The following KIAA2012 variants were observed in gnomAD, a reference collection of about 807,000 sequenced individuals.
The protein encoded by KIAA2012 is uncharacterized protein KIAA2012.
KIAA2012 carries 125 observed loss-of-function variants against 150.6 expected under a neutral mutation model. The observed-to-expected ratio is 0.83, with a 90% CI of 0.72 to 0.96. The LOEUF (loss-of-function observed/expected upper bound fraction) is 0.96, where lower values mean the gene tolerates loss of function less well. KIAA2012 is among the 40% of genes least tolerant of loss of function. KIAA2012 has a pLI of 0.00. For synonymous variants in KIAA2012, 462 were observed against 504.7 expected, an observed-to-expected ratio of 0.92 and a Z score of 1.13; for missense variants, 1,219 against 1,354.9, an observed-to-expected ratio of 0.90 and a Z score of 1.57.
intron 15 of KIAA2012, among the ~76,000 whole-genome samples, chr2:202,182,108 CTTT>C (rs754494077): frequency 1.9e-5 from 2 of 104,098 alleles, no homozygotes; most frequent in African/African-American, 3.7e-5. Flanking sequence ...TTTCTTTATT[CTTT>C]TTTTTTTTTT....
At chr2:202,077,644 G>A (rs1689355881) in intron 2 of KIAA2012, among the ~76,000 whole-genome samples, 1 of 152,074 alleles carries the variant, frequency 6.6e-6, no homozygotes, top group Non-Finnish European at 1.5e-5. Flanking sequence ...ATTAAAAGAG[G>A]AGGAGAAGCA....
intron 16 of KIAA2012, among the ~76,000 whole-genome samples, chr2:202,186,012 A>G (rs1692220696): frequency 6.6e-6 from 1 of 152,156 alleles, no homozygotes; most frequent in Non-Finnish European, 1.5e-5. Context: ...AATAAAATAA[A>G]ATGCCCAGAA....
rs1220484543 is a variant in KIAA2012, at chr2:202,105,889, A to T, written c.1453A>T (p.Arg485Trp). ...AGTGCATCTCCCAGTGGACGCGAGCAGGGACACACTCTCACCTCAAGGTAG... is the reference window on the plus strand; with the variant it reads ...AGTGCATCTCCCAGTGGACGCGAGCTGGGACACACTCTCACCTCAAGGTAG... ...LTVHLPVDAS[R>W]DTLSPQDDDA... Residue 485 changes from arginine to tryptophan, a missense_variant, in exon 9 of 24, where the codon AGG becomes TGG. Coordinates refer to ENST00000498697, the MANE Select transcript of KIAA2012 (RefSeq NM_001277372.4). The T allele has an allele frequency of 1.9e-6, 3 of 1,550,970 alleles. No homozygotes were observed. Among genetic ancestry groups the T allele is most frequent in the Admixed American group, 3.9e-5 (2 of 51,002 alleles).
At chr2:202,098,822 ACGCG>A (rs147687356) in intron 5 of KIAA2012, among the ~76,000 whole-genome samples, 21 of 110,736 alleles carry the variant, frequency 1.9e-4, no homozygotes, top group South Asian at 1.2e-3. Flanking sequence ...GTGTGTGTGC[ACGCG>A]CGCGCGCGCG....
At position 202,140,013 on chromosome 2, in the gene KIAA2012, A is replaced by C. The variant is rs1691165650; in HGVS notation, c.1908+1505A>C. ...GGGAGGCCAAGGTGGGCGGATCACG[A>C]GGTCAGGAGTTCAAGACCAGCCTGG... On this transcript the variant is annotated intron_variant, in intron 13 of 23. Coordinates refer to ENST00000498697, the MANE Select transcript of KIAA2012 (RefSeq NM_001277372.4). Among the ~76,000 whole-genome samples the C allele has an allele frequency of 2.0e-5, 3 of 152,136 alleles. No individual in the cohort carries two copies. In the South Asian group the frequency reaches 6.2e-4, roughly 32 times the overall value.
intron 12 of KIAA2012, chr2:202,137,221 G>A (rs1181360259): frequency 6.6e-6 from 1 of 151,976 alleles, no homozygotes; most frequent in Non-Finnish European, 1.5e-5. Flanking sequence ...TTGGACATTC[G>A]TCCCACAGAA....
At chr2:202,131,136 G>GTTTT (rs1272835282) in intron 12 of KIAA2012, among the ~76,000 whole-genome samples, 2 of 151,952 alleles carry the variant, frequency 1.3e-5, no homozygotes, top group Non-Finnish European at 2.9e-5. Context: ...CTGTGAGTAT[G>GTTTT]TTTTTTTGTT....
chr2:202,088,829 T>A (rs1689646917), intron 2 of KIAA2012, among the ~76,000 whole-genome samples: 2 of 152,162 alleles, frequency 1.3e-5, no homozygotes, highest in South Asian at 4.2e-4. Context: ...GAAACCTGAC[T>A]CTCGGGTTGA....
At chr2:202,122,011 T>G (rs911857508) in intron 11 of KIAA2012, among the ~76,000 whole-genome samples, 3 of 151,180 alleles carry the variant, frequency 2.0e-5, no homozygotes, top group Admixed American at 6.6e-5. Context: ...GACACCAGAA[T>G]GAACAAAAAG....
chr2:202,093,527 G>A (rs71425918), intron 4 of KIAA2012, among the ~76,000 whole-genome samples: 3,293 of 152,294 alleles, frequency 0.022, 57 homozygotes, highest in Admixed American at 0.037. Flanking sequence ...GTTTGGCAGT[G>A]TAGGTCTAGA....
rs1692426336 is a variant in KIAA2012, at chr2:202,196,934, G to A, written c.3322G>A (p.Glu1108Lys). 4 of 1,550,554 alleles carry A rather than the reference G, an allele frequency of 2.6e-6. No individual in the cohort carries two copies. The highest frequency in any genetic ancestry group is 3.5e-6 in the Non-Finnish European group (4 of 1,147,020). The change falls in exon 22 of 24, where the codon GAG becomes AAG. Residue 1108 changes from glutamate (E) to lysine (K), a missense_variant. Glu to Lys is a moderately conservative substitution (Grantham distance 56). Transcript: ENST00000498697. ...GGAAGCAGAAGAGAAGGCTCGGCTG[G>A]AGGCAGAGGAGAGGAGGCAAAAAGA... ...KQEAEEKARL[E>K]AEERRQKEEE...
Position 202,165,355 on chromosome 2 carries a change from A to C in KIAA2012, c.2118A>C (p.Gln706His). Residue 706 changes from glutamine (Q) to histidine (H), a missense_variant and splice_region_variant, in exon 15 of 24, where the codon CAA (glutamine) becomes CAC (histidine). Coordinates refer to ENST00000498697, the MANE Select transcript of KIAA2012 (RefSeq NM_001277372.4). ...RPLRETHHND[Q>H]DPEPRSMTLD... ...TCAGAGAAACTCACCACAACGACCAAGGTACAGACCACTAGGTGGGGCTTT... is the reference window on the plus strand; with the variant it reads ...TCAGAGAAACTCACCACAACGACCACGGTACAGACCACTAGGTGGGGCTTT... 1 of 1,549,534 alleles carries C rather than the reference A, an allele frequency of 6.5e-7. No individual in the cohort carries two copies. The highest frequency in any genetic ancestry group is 8.7e-7 in the Non-Finnish European group (1 of 1,146,562).
At position 202,201,733 on chromosome 2, in the gene KIAA2012, G is replaced by A. The variant is rs1443979704; in HGVS notation, c.3408-696G>A. On this transcript the variant is annotated intron_variant, in intron 22 of 23. Coordinates refer to ENST00000498697, the MANE Select transcript of KIAA2012 (RefSeq NM_001277372.4). ...TGGGGACTGTGGCAGCCCCTGGGGT[G>A]CACAAAGCTTGGATGATAGAGCTCT... is the stretch of plus-strand genomic sequence containing the variant. 16 of 1,471,258 alleles carry A rather than the reference G, an allele frequency of 1.1e-5. No homozygotes were observed. In the African/African-American group the frequency reaches 2.2e-4, roughly 20 times the overall value. The allele number at this position is 1,471,258 out of a possible 1,614,324, so 91.1% of individuals were successfully genotyped here.
At chr2:202,138,404 C>A (rs1439175646) in intron 12 of KIAA2012, 28 bp from the exon 13 acceptor site, 8 of 1,532,966 alleles carry the variant, frequency 5.2e-6, no homozygotes, top group Non-Finnish European at 6.2e-6. Context: ...CCACCTTGAT[C>A]TTTTTTCCTC....
chr2:202,154,916 C>T (rs1194034221), intron 14 of KIAA2012, 106 bp downstream of exon 14: 4 of 1,275,014 alleles, frequency 3.1e-6, no homozygotes, highest in Non-Finnish European at 4.2e-6. Context: ...TCCCTCAGAG[C>T]TCCTGCATTA....
intron 22 of KIAA2012, chr2:202,201,993 T>C: frequency 1.6e-6 from 1 of 606,160 alleles, no homozygotes; most frequent in Non-Finnish European, 2.9e-6. Context: ...TGTCTAGCGT[T>C]ACCCAACGCC....
At chr2:202,187,233 C>A (rs906503577) in intron 17 of KIAA2012, 135 bp downstream of exon 17, 1 of 942,738 alleles carries the variant, frequency 1.1e-6, no homozygotes, top group Non-Finnish European at 1.5e-6. Context: ...TGAGGTCCAG[C>A]CTGTGGTCTG....
chr2:202,172,674 A>G (rs949802167), intron 15 of KIAA2012, among the ~76,000 whole-genome samples: 1 of 152,234 alleles, frequency 6.6e-6, no homozygotes, highest in East Asian at 1.9e-4. Flanking sequence ...CTCCAGAAGG[A>G]GCAAGTGTAA....
At chr2:202,086,951 T>C (rs1358559070) in intron 2 of KIAA2012, among the ~76,000 whole-genome samples, 2 of 152,194 alleles carry the variant, frequency 1.3e-5, no homozygotes, top group South Asian at 4.1e-4. Context: ...TCCCATATTA[T>C]ATCCACATAT....
Sources: gnomAD v4.1 joint callset for allele counts (sites outside exome capture counted in the v4.1 genomes callset) on GRCh38, gnomAD v4.1.1 for gene constraint, MANE v1.5 for transcripts, NCBI Gene and HGNC (gene_info 2026-07-23, HGNC 2026-07-21) for gene names.